Variants in ZNF483 observed in about 807,000 individuals in gnomAD.
ZNF483 encodes the protein zinc finger protein 483.
Under a neutral mutation model 28.6 loss-of-function variants are expected in ZNF483, and 9 were observed. The ratio of observed to expected loss-of-function variants is 0.32; its 90% CI spans 0.19 to 0.55. The LOEUF is 0.55. Among genes scored for constraint, ZNF483 ranks in the 20% least tolerant of loss-of-function variants. The probability of loss-of-function intolerance (pLI) is 0.93; values close to 1 mark genes in which losing one functional copy is unlikely to be tolerated. For synonymous variants in ZNF483, 322 were observed against 306.2 expected (o/e 1.05, Z -0.54); for missense variants, 675 against 871.7 (o/e 0.77, Z 2.84).
At chr9:111,570,217 G>C (rs200055805) in intron 5 of ZNF483, 1 of 1,611,460 alleles carries the variant, frequency 6.2e-7, no homozygotes, top group South Asian at 1.1e-5. Context: ...GGCCTGTGAA[G>C]AGAAGGGCAC....
intron 5 of ZNF483, among the ~76,000 whole-genome samples, chr9:111,561,140 A>AGAG (rs1828297271): frequency 2.9e-5 from 1 of 34,938 alleles, no homozygotes; most frequent in Non-Finnish European, 5.2e-5. Context: ...GAGAGAGAGG[A>AGAG]GAGAGAGGGA....
At chr9:111,557,126 G>T (rs1292043067), downstream of ZNF483, among the ~76,000 whole-genome samples, 1 of 152,130 alleles carries the variant, frequency 6.6e-6, no homozygotes, top group Non-Finnish European at 1.5e-5. Flanking sequence ...CAGCATTTCC[G>T]CAGCCTTCTT....
intron 5 of ZNF483, among the ~76,000 whole-genome samples, chr9:111,537,083 T>C (rs1827525933): frequency 6.6e-6 from 1 of 152,140 alleles, no homozygotes; most frequent in African/African-American, 2.4e-5. Flanking sequence ...TTTGTATGGG[T>C]CCCATGATGT....
rs912361789 is a variant in ZNF483 at position 111,576,498 on chromosome 9, G to A, written c.*84G>A. The A allele has an allele frequency of 2.5e-6, 4 of 1,578,686 alleles. No homozygotes were observed. In the African/African-American group the frequency reaches 4.0e-5, roughly 16 times the overall value. ...ACTGCAGTGCAGTTCAAGAGGCTCTGGTTCGGGGAAGAGCTGGATGGAGTA... is the reference window on the plus strand; with the variant it reads ...ACTGCAGTGCAGTTCAAGAGGCTCTAGTTCGGGGAAGAGCTGGATGGAGTA... On this transcript the variant is annotated 3_prime_UTR_variant, in exon 6 of 6. Transcript: ENST00000358151.
intron 5 of ZNF483, among the ~76,000 whole-genome samples, chr9:111,539,200 C>CACCA (rs1827606133): frequency 6.7e-6 from 1 of 149,656 alleles, no homozygotes; most frequent in African/African-American, 2.5e-5. Flanking sequence ...TTGAATGGAT[C>CACCA]ACCAACAAAA....
At position 111,574,616 on chromosome 9, in the gene ZNF483, A is replaced by G. The variant is rs1828975937; in HGVS notation, c.722-1749A>G. On this transcript the variant is annotated intron_variant, in intron 5 of 5. Coordinates refer to the ZNF483 transcript ENST00000358151. ...TGAGACTCTGTCTTAAAAAAAAAAA[A>G]AAAAGAATATATGAAAATCTTTCTA... is the stretch of plus-strand genomic sequence containing the variant. 4.1e-6 allele frequency: 3 copies of G among 726,062 alleles called. No individual in the cohort carries two copies. In the African/African-American group the frequency reaches 5.6e-5, roughly 13 times the overall value. The allele number at this position is 726,062 out of a possible 1,614,324, so 45.0% of individuals were successfully genotyped here. A position where few individuals can be genotyped will look rare whatever the true frequency, so the allele number is the denominator to read the frequency against.
At position 111,549,808 on chromosome 9, in the gene ZNF483, A is replaced by G; in HGVS notation, c.*6638A>G. ...TCATTTTCTCTTTTGATCTGTCAAC[A>G]CAATCAGAACATTTAGCTCTTTGAG... On this transcript the variant is annotated 3_prime_UTR_variant, in exon 6 of 6. Transcript: ENST00000309235. The G allele has an allele frequency of 2.0e-6, 3 of 1,485,768 alleles. No individual in the cohort carries two copies. Among genetic ancestry groups the G allele is most frequent in the Non-Finnish European group, 2.8e-6 (3 of 1,087,862 alleles). The allele number at this position is 1,485,768 out of a possible 1,614,324, so 92.0% of individuals were successfully genotyped here. A position where few individuals can be genotyped will look rare whatever the true frequency, so the allele number is the denominator to read the frequency against.
Position 111,532,683 on chromosome 9 carries a change from C to T in ZNF483, c.502-1056C>T, listed in dbSNP as rs60996502. Reference sequence around the variant, plus strand: ...TTACAGCTCCCAGAGGAAGGTAATACACGTACCAATAGCCATTTGGCTCTA... The same window carrying T: ...TTACAGCTCCCAGAGGAAGGTAATATACGTACCAATAGCCATTTGGCTCTA... On this transcript the variant is annotated intron_variant, in intron 3 of 5. Transcript: ENST00000309235. Among the ~76,000 whole-genome samples the T allele has an allele frequency of 3.6e-3, 541 of 152,282 alleles. 3 individuals carry two copies. Among genetic ancestry groups the T allele is most frequent in the African/African-American group, 0.012 (492 of 41,570 alleles).
Position 111,534,305 on chromosome 9 carries a change from G to A in ZNF483, c.673G>A (p.Val225Ile), listed in dbSNP as rs1207976453. ...KLELISQLKW[V>I]ELPWLLEEVS... ...AGAGTTGATTTCCCAGCTAAAGTGGGTTGAATTGCCATGGCTGCTGGAAGA... is the reference window on the plus strand; with the variant it reads ...AGAGTTGATTTCCCAGCTAAAGTGGATTGAATTGCCATGGCTGCTGGAAGA... The change falls in exon 5 of 6, where the codon GTT (valine) becomes ATT (isoleucine). Residue 225 changes from valine (V) to isoleucine (I), a missense_variant. Val to Ile is a conservative substitution (Grantham distance 29, BLOSUM62 3). This residue lies in a region of ZNF483 where 525 missense variants were observed against 581.8 expected (regional missense o/e 0.90). Transcript: ENST00000309235. The A allele has an allele frequency of 3.7e-6, 6 of 1,614,138 alleles. No homozygotes were observed. In the East Asian group the frequency reaches 1.1e-4, roughly 30 times the overall value.
chr9:111,540,646 G>T (rs536389308), intron 5 of ZNF483, among the ~76,000 whole-genome samples: 1 of 152,192 alleles, frequency 6.6e-6, no homozygotes, highest in Non-Finnish European at 1.5e-5. Context: ...CCTGATTAGT[G>T]TATCTGTAAG....
intron 4 of ZNF483, 72 bp downstream of exon 4, chr9:111,533,937 A>G (rs932171433): frequency 6.4e-7 from 1 of 1,554,680 alleles, no homozygotes; most frequent in Non-Finnish European, 8.7e-7. Flanking sequence ...ATTGAAAGGT[A>G]AGTGCTGTGT....
At position 111,526,202 on chromosome 9, in the gene ZNF483, G is replaced by A. The variant is rs545509176; in HGVS notation, c.-129+940G>A. ...AAAGACGAATAAAAGTTTGGTAGGA[G>A]AAAGAAAGCAACATTCCGAGGAGAG... On this transcript the variant is annotated intron_variant, in intron 1 of 5. Coordinates refer to ENST00000309235, the MANE Select transcript of ZNF483 (RefSeq NM_133464.5). Among the ~76,000 whole-genome samples, 58 of 152,320 alleles carry A rather than the reference G, an allele frequency of 3.8e-4. No homozygotes were observed. In the South Asian group the frequency reaches 0.012, roughly 31 times the overall value.
At position 111,544,836 on chromosome 9, in the gene ZNF483, TG is replaced by T. The variant is rs1827768302; in HGVS notation, c.*1667del. Among the ~76,000 whole-genome samples, 1 of 152,156 alleles carries T rather than the reference TG, an allele frequency of 6.6e-6. No homozygotes were observed. Among genetic ancestry groups the T allele is most frequent in the Non-Finnish European group, 1.5e-5 (1 of 68,024 alleles). Reference sequence around the variant, plus strand: ...TGAAAAAGGAACTTAAGGCCCTGAATGAGTGAGGTTTTGGCTTCAGGTCATA... The same window carrying T: ...TGAAAAAGGAACTTAAGGCCCTGAATAGTGAGGTTTTGGCTTCAGGTCATA... On this transcript the variant is annotated 3_prime_UTR_variant, in exon 6 of 6. Transcript: ENST00000309235.
At chr9:111,575,675 C>T (rs529376782) in intron 5 of ZNF483, among the ~76,000 whole-genome samples, 4 of 152,276 alleles carry the variant, frequency 2.6e-5, no homozygotes, top group South Asian at 2.1e-4. Context: ...ATAAACGTGC[C>T]GAACAACTGG....
At chr9:111,574,757 T>C (rs1243531566) in intron 5 of ZNF483, 11 of 1,613,712 alleles carry the variant, frequency 6.8e-6, no homozygotes, top group East Asian at 2.2e-5. Flanking sequence ...GCCGGTTCTG[T>C]TATATGTAGA....
chr9:111,533,812 A>G lies in ZNF483; in HGVS notation c.575A>G (p.Lys192Arg), dbSNP rs1235267600. 2 of 1,592,880 alleles carry G rather than the reference A, an allele frequency of 1.3e-6. No individual in the cohort carries two copies. Among genetic ancestry groups the G allele is most frequent in the Non-Finnish European group, 8.5e-7 (1 of 1,174,436 alleles). Residue 192 changes from lysine (K) to arginine (R), a missense_variant, in exon 4 of 6, where the codon AAG becomes AGG. This residue lies in a region of ZNF483 where 525 missense variants were observed against 581.8 expected (regional missense o/e 0.90). Coordinates refer to ENST00000309235, the MANE Select transcript of ZNF483 (RefSeq NM_133464.5). Reference protein sequence around the residue: ...GEWKKLEPFQKELYKEVLLEN... With the variant: ...GEWKKLEPFQRELYKEVLLEN... ...TGGAAGAAGCTGGAGCCTTTTCAAA[A>G]GGAGCTATATAAGGAAGTGCTACTG...
chr9:111,568,396 A>T (rs117911066), intron 5 of ZNF483, among the ~76,000 whole-genome samples: 1 of 152,042 alleles, frequency 6.6e-6, no homozygotes, highest in African/African-American at 2.4e-5. Flanking sequence ...GGTGGGGGAA[A>T]AACTCCGCCC....
At chr9:111,534,202 G>A in intron 4 of ZNF483, 59 bp from the exon 5 acceptor site, 1 of 1,390,298 alleles carries the variant, frequency 7.2e-7, no homozygotes, top group Non-Finnish European at 1.0e-6. Context: ...ATATGTGAAT[G>A]CTGGGATATC....
chr9:111,527,372 C>G lies in ZNF483; in HGVS notation c.-24C>G. The stretch of plus-strand genomic sequence containing the variant: ...GATACTCAACTAGAGTGTGAAGGGA[C>G]TGGATTCCTGCCCCTGAGACACAAT... On this transcript the variant is annotated 5_prime_UTR_variant, in exon 2 of 6. Transcript: ENST00000309235. The G allele has an allele frequency of 6.2e-7, 1 of 1,606,896 alleles. No homozygotes were observed. Among genetic ancestry groups the G allele is most frequent in the Non-Finnish European group, 8.5e-7 (1 of 1,176,906 alleles).
Sources: allele counts gnomAD v4.1 joint callset (sites outside exome capture counted in the v4.1 genomes callset), GRCh38; gene constraint gnomAD v4.1.1; regional missense constraint gnomAD v4.1.1; transcripts MANE v1.5; gene names NCBI Gene and HGNC (gene_info 2026-07-23, HGNC 2026-07-21).